Variants in CSTF3 observed in about 807,000 individuals in gnomAD.
CSTF3 encodes cleavage stimulation factor subunit 3, also known as CF-1 77 kDa subunit.
In CSTF3, 29 loss-of-function variants were observed where a neutral mutation model predicts 105.8. The observed-to-expected ratio is 0.27, with a 90% CI of 0.20 to 0.37. The LOEUF (loss-of-function observed/expected upper bound fraction) is 0.37, where lower values mean the gene tolerates loss of function less well. CSTF3 is among the 10% of genes least tolerant of loss of function. The pLI, the probability that CSTF3 is intolerant of heterozygous loss-of-function variation, is 1.00. For missense variants in CSTF3, 357 were observed against 879.3 expected, an observed-to-expected ratio of 0.41 and a Z score of 7.51; for synonymous variants, 252 against 281.9, an observed-to-expected ratio of 0.89 and a Z score of 1.06.
chr11:33,119,803 C>A (rs1046224543), intron 3 of CSTF3, among the ~76,000 whole-genome samples: 3 of 151,724 alleles, frequency 2.0e-5, no homozygotes, highest in African/African-American at 7.2e-5. Flanking sequence ...CAATTCTAGC[C>A]TTCTCAATCC....
At chr11:33,085,856 C>G (rs751821541) in intron 19 of CSTF3, 39 bp downstream of exon 19, 1 of 1,585,548 alleles carries the variant, frequency 6.3e-7, no homozygotes, top group Non-Finnish European at 8.6e-7. Context: ...TACTATGACC[C>G]ACAGAGCCAG....
intron 3 of CSTF3, among the ~76,000 whole-genome samples, chr11:33,131,395 C>T (rs911889497): frequency 6.6e-6 from 1 of 152,150 alleles, no homozygotes; most frequent in Non-Finnish European, 1.5e-5. Flanking sequence ...ATGCAAAAAA[C>T]TCCTGATCAA....
At chr11:33,158,813 C>T (rs189785507) in intron 1 of CSTF3, among the ~76,000 whole-genome samples, 1 of 152,108 alleles carries the variant, frequency 6.6e-6, no homozygotes, top group Admixed American at 6.6e-5. Context: ...ATCATCAACC[C>T]CCAAACCAAA....
At chr11:33,127,639 T>C (rs3117652) in intron 3 of CSTF3, among the ~76,000 whole-genome samples, 83,158 of 152,032 alleles carry the variant, frequency 0.55, 25,256 homozygotes, top group Non-Finnish European at 0.68. Flanking sequence ...TTTTATTTTC[T>C]TTTTCTGAGA....
intron 3 of CSTF3, among the ~76,000 whole-genome samples, chr11:33,118,099 T>A (rs372754): frequency 6.6e-6 from 1 of 150,458 alleles, no homozygotes; most frequent in African/African-American, 2.4e-5. Flanking sequence ...TTTTTTTTAA[T>A]AAGAGAAAGA....
chr11:33,141,590 A>G (rs1448536505), intron 3 of CSTF3, 77 bp downstream of exon 3: 1 of 1,495,696 alleles, frequency 6.7e-7, no homozygotes, highest in Non-Finnish European at 8.9e-7. Flanking sequence ...CTAATTGGCT[A>G]TGTTCCTAAC....
At chr11:33,119,647 C>T (rs1006583262) in intron 3 of CSTF3, among the ~76,000 whole-genome samples, 16 of 151,700 alleles carry the variant, frequency 1.1e-4, no homozygotes, top group Admixed American at 3.9e-4. Flanking sequence ...CAGTATATTC[C>T]TCAGACTACT....
intron 10 of CSTF3, among the ~76,000 whole-genome samples, chr11:33,100,122 C>T (rs180880796): frequency 6.6e-6 from 1 of 152,078 alleles, no homozygotes; most frequent in Non-Finnish European, 1.5e-5. Context: ...TCTGGGAGGC[C>T]AAGGCAGGCG....
chr11:33,160,540 C>A (rs967172422), intron 1 of CSTF3, among the ~76,000 whole-genome samples: 13 of 152,192 alleles, frequency 8.5e-5, no homozygotes, highest in African/African-American at 2.9e-4. Context: ...CTTCCTCTTT[C>A]ACACTAAAAG....
At chr11:33,105,857 T>A in intron 7 of CSTF3, 26 bp downstream of exon 7, 1 of 1,523,772 alleles carries the variant, frequency 6.6e-7, no homozygotes, top group Non-Finnish European at 8.9e-7. Context: ...ACTGTAGATG[T>A]AAAAAAAAAC....
At chr11:33,085,398 G>T in intron 20 of CSTF3, 109 bp from the exon 21 acceptor site, 1 of 883,700 alleles carries the variant, frequency 1.1e-6, no homozygotes, top group Non-Finnish European at 1.7e-6. Flanking sequence ...CAAAACATGG[G>T]ATAGTACTAC....
intron 3 of CSTF3, among the ~76,000 whole-genome samples, chr11:33,137,013 T>C (rs1340495952): frequency 6.6e-6 from 1 of 151,844 alleles, no homozygotes; most frequent in African/African-American, 2.4e-5. Flanking sequence ...AGAATGTATA[T>C]GCATTTTTTA....
At chr11:33,107,848 G>T in intron 5 of CSTF3, 55 bp downstream of exon 5, 2 of 1,019,330 alleles carry the variant, frequency 2.0e-6, no homozygotes, top group Non-Finnish European at 3.0e-6. Context: ...GTTTATGTGG[G>T]ATTAACTGTG....
chr11:33,155,699 C>A (rs1849856927), intron 1 of CSTF3, among the ~76,000 whole-genome samples: 1 of 152,068 alleles, frequency 6.6e-6, no homozygotes, highest in Admixed American at 6.6e-5. Flanking sequence ...ATAGTTTAAA[C>A]AACTGCCAAC....
intron 16 of CSTF3, among the ~76,000 whole-genome samples, chr11:33,091,607 T>C (rs1590261907): frequency 6.6e-6 from 1 of 152,174 alleles, no homozygotes; most frequent in South Asian, 2.1e-4. Flanking sequence ...TAAAACAAAC[T>C]TTGAATTTAC....
rs750533290 is a variant in CSTF3 at position 33,096,452 on chromosome 11, GA to G, written c.1273-45del. 684 of 1,185,884 alleles carry G rather than the reference GA, an allele frequency of 5.8e-4. 1 individual carries two copies. Among genetic ancestry groups the G allele is most frequent in the Middle Eastern group, 3.1e-3 (16 of 5,226 alleles). 73.5% of individuals were successfully genotyped at this position (1,185,884 alleles called of 1,614,324 possible). On this transcript the variant is annotated intron_variant, in intron 14 of 20. Coordinates refer to ENST00000323959, the MANE Select transcript of CSTF3 (RefSeq NM_001326.3). ...AAGTACAGATTTCCATGAAATGTCAGATAAAAAACACTTGAAAGAATATTAA... is the reference window on the plus strand; with the variant it reads ...AAGTACAGATTTCCATGAAATGTCAGTAAAAAACACTTGAAAGAATATTAA...
chr11:33,097,855 C>T (rs976295368), intron 13 of CSTF3, among the ~76,000 whole-genome samples: 1 of 152,022 alleles, frequency 6.6e-6, no homozygotes, highest in Non-Finnish European at 1.5e-5. Flanking sequence ...TTAGTAGGGT[C>T]CTGGTTTGCC....
In CSTF3 at chr11:33,085,888, A is replaced by G. The variant is rs371781850; in HGVS notation, c.1890+7T>C. The G allele has an allele frequency of 6.3e-6, 10 of 1,579,894 alleles. No individual in the cohort carries two copies. The highest frequency in any genetic ancestry group is 7.7e-6 in the Non-Finnish European group (9 of 1,164,966). On this transcript the variant is annotated splice_region_variant and intron_variant, in intron 19 of 20. Transcript: ENST00000323959. ...CCAGTATCTACCATGAAAATAAGTG[A>G]ACAAACCTGGAAACAGATAGGAGGA...
At chr11:33,110,951 C>A (rs1337899296) in intron 3 of CSTF3, among the ~76,000 whole-genome samples, 1 of 152,158 alleles carries the variant, frequency 6.6e-6, no homozygotes, top group African/African-American at 2.4e-5. Context: ...TAAAAGCAGG[C>A]CGGGCATGGT....
Sources: allele counts gnomAD v4.1 joint callset (sites outside exome capture counted in the v4.1 genomes callset), GRCh38; gene constraint gnomAD v4.1.1; transcripts MANE v1.5; gene names NCBI Gene and HGNC (gene_info 2026-07-23, HGNC 2026-07-21).